TMC5: variants seen among roughly 807,000 people sequenced by gnomAD.
The protein encoded by TMC5 is transmembrane channel like 5, also known as transmembrane channel-like protein 5.
TMC5 carries 86 observed loss-of-function variants against 110.5 expected under a neutral mutation model. That is an observed-to-expected ratio of 0.78 (90% CI 0.65 to 0.93). The LOEUF is 0.93. Among genes scored for constraint, TMC5 ranks in the 40% least tolerant of loss-of-function variants. The pLI is 0.00. For synonymous variants in TMC5, 455 were observed against 439.5 expected (o/e 1.04, Z -0.44); for missense variants, 1,144 against 1,222.8 (o/e 0.94, Z 0.96).
chr16:19,448,304 G>GCA (rs35504788), intron 4 of TMC5, among the ~76,000 whole-genome samples: 5,149 of 142,224 alleles, frequency 0.036, 266 homozygotes, highest in African/African-American at 0.13. Flanking sequence ...ACACACACAC[G>GCA]CACACACACA....
intron 2 of TMC5, among the ~76,000 whole-genome samples, chr16:19,435,389 C>A (rs1466500089): frequency 6.6e-6 from 1 of 151,470 alleles, no homozygotes; most frequent in Non-Finnish European, 1.5e-5. Context: ...GTAGTCCCAG[C>A]TACTCGGGAG....
chr16:19,411,690 A>G (rs1247068058), intron 1 of TMC5: 1 of 152,246 alleles, frequency 6.6e-6, no homozygotes, highest in Non-Finnish European at 1.5e-5. Context: ...TAACCCACAT[A>G]CGTGTCCCCC....
At chr16:19,462,885 G>A (rs1391739462) in intron 6 of TMC5, among the ~76,000 whole-genome samples, 1 of 147,980 alleles carries the variant, frequency 6.8e-6, no homozygotes, top group Non-Finnish European at 1.5e-5. Flanking sequence ...GTGACAGAGT[G>A]AGACGCCATC....
At chr16:19,462,503 C>G (rs1302320764) in intron 6 of TMC5, 2 of 701,740 alleles carry the variant, frequency 2.9e-6, no homozygotes, top group Admixed American at 4.0e-5. Flanking sequence ...TTCCACACAG[C>G]AGGGGAGGCC....
chr16:19,496,887 C>CAAAAAAAAAAAAAAA (rs67040638), intron 20 of TMC5, among the ~76,000 whole-genome samples: 52 of 80,216 alleles, frequency 6.5e-4, no homozygotes, highest in African/African-American at 2.5e-3. Context: ...AAGACTCTGT[C>CAAAAAAAAAAAAAAA]AAAAAAAAAA....
intron 3 of TMC5, 134 bp from the exon 4 acceptor site, chr16:19,443,947 G>A (rs1567304876): frequency 1.2e-6 from 1 of 859,154 alleles, no homozygotes; most frequent in Non-Finnish European, 1.8e-6. Flanking sequence ...ATGGATGGAT[G>A]GATGGATGGA....
chr16:19,420,390 T>G (rs569023070), intron 1 of TMC5, among the ~76,000 whole-genome samples: 91 of 151,802 alleles, frequency 6.0e-4, no homozygotes, highest in African/African-American at 2.2e-3. Context: ...ATCATGCCAC[T>G]GCACTCCAGC....
Position 19,498,220 on chromosome 16 carries a change from G to T in TMC5, c.*254G>T, listed in dbSNP as rs1286968383. On this transcript the variant is annotated 3_prime_UTR_variant, in exon 22 of 22. Transcript: ENST00000542583. ...ATAAAGATTGTTGTAATATTGAAAT[G>T]AGCCTACAAAAACCTAGGAAGAGAT... is the stretch of plus-strand genomic sequence containing the variant. 1 of 487,288 alleles carries T rather than the reference G, an allele frequency of 2.1e-6. No individual in the cohort carries two copies. The highest frequency in any genetic ancestry group is 3.8e-5 in the East Asian group (1 of 26,354). The allele number at this position is 487,288 out of a possible 1,614,324, so 30.2% of individuals were successfully genotyped here. A position where few individuals can be genotyped will look rare whatever the true frequency, so the allele number is the denominator to read the frequency against.
rs1968617471 is a variant in TMC5, at chr16:19,481,450, C to T, written c.2348C>T (p.Ala783Val). ...IARNVLELIY[A>V]QTLVWIGIFF... The stretch of plus-strand genomic sequence containing the variant: ...AGGAACGTTCTAGAACTGATCTATG[C>T]ACAAACTCTGGTGTGGTAAGTTTTG... Residue 783 changes from alanine to valine, a missense_variant, in exon 15 of 22, where the codon GCA becomes GTA. By Grantham distance (64) the Ala-to-Val change is moderately conservative. Coordinates refer to ENST00000542583, the MANE Select transcript of TMC5 (RefSeq NM_001261841.2). 1 of 1,613,382 alleles carries T rather than the reference C, an allele frequency of 6.2e-7. No homozygotes were observed.
At chr16:19,421,615 C>T (rs1210786088) in intron 1 of TMC5, among the ~76,000 whole-genome samples, 4 of 152,116 alleles carry the variant, frequency 2.6e-5, no homozygotes, top group African/African-American at 4.8e-5. Context: ...GGATTTTTGG[C>T]CCCCTTTAAA....
intron 5 of TMC5, chr16:19,457,086 T>C: frequency 7.2e-7 from 1 of 1,387,424 alleles, no homozygotes; most frequent in Non-Finnish European, 9.8e-7. Flanking sequence ...ACAGCATATT[T>C]TACTTTTTAG....
chr16:19,430,003 T>C (rs2087731561), intron 1 of TMC5, among the ~76,000 whole-genome samples: 2 of 151,720 alleles, frequency 1.3e-5, no homozygotes, highest in South Asian at 4.2e-4. Context: ...GACTTGAACA[T>C]ACCTTTTTGA....
chr16:19,479,157 G>A (rs1968555639), intron 13 of TMC5, among the ~76,000 whole-genome samples: 3 of 152,324 alleles, frequency 2.0e-5, no homozygotes, highest in Admixed American at 6.5e-5. Flanking sequence ...GGGAAGAAAA[G>A]TTTTACGGGG....
intron 18 of TMC5, among the ~76,000 whole-genome samples, chr16:19,491,273 G>A (rs2143759025): frequency 6.6e-6 from 1 of 152,196 alleles, no homozygotes; most frequent in South Asian, 2.1e-4. Context: ...GCTTCTCAAA[G>A]TGTTGGGATT....
chr16:19,414,928 C>T (rs184909153), upstream of TMC5, among the ~76,000 whole-genome samples: 3 of 152,252 alleles, frequency 2.0e-5, no homozygotes, highest in East Asian at 3.9e-4. Context: ...CCTGTAGTCC[C>T]AGCTGCTCAG....
In TMC5 at chr16:19,435,240, C is replaced by T. The variant is rs977954830; in HGVS notation, c.-80+4600C>T. Among the ~76,000 whole-genome samples, 65 of 151,790 alleles carry T rather than the reference C, an allele frequency of 4.3e-4. 1 individual carries two copies. The highest frequency in any genetic ancestry group is 1.4e-3 in the African/African-American group (59 of 41,304). Reference sequence around the variant, plus strand: ...GGCGCAGTGGCTCACACCTGTAATCCCAGCACTTTGGGACGCCAAGGCGGG... The same window carrying T: ...GGCGCAGTGGCTCACACCTGTAATCTCAGCACTTTGGGACGCCAAGGCGGG... On this transcript the variant is annotated intron_variant, in intron 2 of 21. Transcript: ENST00000542583.
At chr16:19,470,169 C>T (rs1465215890) in intron 10 of TMC5, among the ~76,000 whole-genome samples, 2 of 149,658 alleles carry the variant, frequency 1.3e-5, no homozygotes, top group African/African-American at 5.0e-5. Flanking sequence ...GCTGGGATTA[C>T]AGGCGTAAGC....
intron 17 of TMC5, 133 bp from the exon 18 acceptor site, chr16:19,490,262 T>G: frequency 1.2e-6 from 1 of 867,100 alleles, no homozygotes; most frequent in South Asian, 1.6e-5. Context: ...AGGGTTTCTT[T>G]GGGAAGTGGG....
At chr16:19,450,991 C>A (rs1967735000) in intron 5 of TMC5, among the ~76,000 whole-genome samples, 1 of 151,984 alleles carries the variant, frequency 6.6e-6, no homozygotes, top group Admixed American at 6.6e-5. Flanking sequence ...AGCAACAAGC[C>A]AGGCACGGGG....
Sources: allele counts gnomAD v4.1 joint callset (sites outside exome capture counted in the v4.1 genomes callset), GRCh38; gene constraint gnomAD v4.1.1; transcripts MANE v1.5; gene names NCBI Gene and HGNC (gene_info 2026-07-23, HGNC 2026-07-21).